The following SNX18 variants were observed in gnomAD, a reference collection of about 807,000 sequenced individuals.
The protein encoded by SNX18 is sorting nexin-18.
In SNX18, 35 loss-of-function variants were observed where a neutral mutation model predicts 48.7. The ratio of observed to expected loss-of-function variants is 0.72; its 90% CI spans 0.55 to 0.95. The LOEUF (loss-of-function observed/expected upper bound fraction) is 0.95. SNX18 is among the 40% of genes least tolerant of loss of function. The pLI, the probability that SNX18 is intolerant of heterozygous loss-of-function variation, is 0.00. For synonymous variants in SNX18, 492 were observed against 384.7 expected (o/e 1.28, Z -3.26); for missense variants, 824 against 871.0 (o/e 0.95, Z 0.68).
intron 1 of SNX18, among the ~76,000 whole-genome samples, chr5:54,521,995 C>A (rs912554468): frequency 2.0e-5 from 3 of 152,166 alleles, no homozygotes; most frequent in Non-Finnish European, 4.4e-5. Context: ...AACATAATCT[C>A]TAGGAACTTT....
intron 1 of SNX18, among the ~76,000 whole-genome samples, chr5:54,541,325 G>A (rs1762466987): frequency 6.6e-6 from 1 of 152,120 alleles, no homozygotes; most frequent in Non-Finnish European, 1.5e-5. Context: ...ACCGCGCCCG[G>A]CCCTCCTGGT....
the SNX18 span, among the ~76,000 whole-genome samples, chr5:54,572,618 A>T: frequency 6.6e-6 from 1 of 151,690 alleles, no homozygotes; most frequent in Non-Finnish European, 1.5e-5. Flanking sequence ...TTTATCTGAG[A>T]CACATATATA....
chr5:54,591,211 GT>G, the SNX18 span, among the ~76,000 whole-genome samples: 1 of 151,276 alleles, frequency 6.6e-6, no homozygotes, highest in Non-Finnish European at 1.5e-5. Context: ...ACACGCTTTT[GT>G]TCTGTCAGCC....
chr5:54,572,746 G>GTATATATA, the SNX18 span, among the ~76,000 whole-genome samples: 3 of 42,484 alleles, frequency 7.1e-5, no homozygotes, highest in African/African-American at 2.6e-4. Flanking sequence ...GTGTGTGTGT[G>GTATATATA]TGTGTGTGTA....
the SNX18 span, among the ~76,000 whole-genome samples, chr5:54,635,126 G>A: frequency 6.6e-6 from 1 of 151,642 alleles, no homozygotes; most frequent in South Asian, 2.1e-4. Context: ...CTTATTGGTA[G>A]ACATAAACAC....
At chr5:54,644,716 C>T in the SNX18 span, 58 of 152,302 alleles carry the variant, frequency 3.8e-4, no homozygotes, top group African/African-American at 1.3e-3. Context: ...CTACTGACTA[C>T]AATATAGGTG....
At chr5:54,632,024 T>C in the SNX18 span, among the ~76,000 whole-genome samples, 2 of 152,164 alleles carry the variant, frequency 1.3e-5, no homozygotes, top group African/African-American at 4.8e-5. Context: ...GAGGAGTTCA[T>C]CAGAGATTTC....
chr5:54,581,226 A>G, the SNX18 span, among the ~76,000 whole-genome samples: 4 of 152,308 alleles, frequency 2.6e-5, no homozygotes, highest in South Asian at 4.1e-4. Flanking sequence ...TAACATGAAC[A>G]GATCCTGAAT....
At chr5:54,548,893 C>A (rs1421623139), downstream of SNX18, among the ~76,000 whole-genome samples, 1 of 152,174 alleles carries the variant, frequency 6.6e-6, no homozygotes. Context: ...TGTAGATGCT[C>A]AAGTCATAGA....
the SNX18 span, among the ~76,000 whole-genome samples, chr5:54,575,340 G>A: frequency 6.8e-6 from 1 of 148,116 alleles, no homozygotes; most frequent in Non-Finnish European, 1.5e-5. Flanking sequence ...GAAGGCAGTT[G>A]AGAAACAACA....
At chr5:54,595,676 C>T in the SNX18 span, among the ~76,000 whole-genome samples, 4 of 152,170 alleles carry the variant, frequency 2.6e-5, no homozygotes, top group East Asian at 1.9e-4. Flanking sequence ...TAATAATAAC[C>T]ATTCCAATGG....
At chr5:54,538,548 G>A (rs1296832864) in intron 1 of SNX18, among the ~76,000 whole-genome samples, 1 of 152,228 alleles carries the variant, frequency 6.6e-6, no homozygotes, top group African/African-American at 2.4e-5. Flanking sequence ...TTGTTAAAAG[G>A]TGTACAGAAA....
chr5:54,535,470 G>A (rs544536933), intron 1 of SNX18, among the ~76,000 whole-genome samples: 1 of 152,294 alleles, frequency 6.6e-6, no homozygotes, highest in South Asian at 2.1e-4. Flanking sequence ...AAAAATATTG[G>A]TTTAATTTTC....
the SNX18 span, chr5:54,645,268 C>T: frequency 6.6e-6 from 1 of 152,194 alleles, no homozygotes; most frequent in Non-Finnish European, 1.5e-5. Flanking sequence ...ATGTTCCAGC[C>T]ACTATACCTG....
chr5:54,610,437 G>C, the SNX18 span, among the ~76,000 whole-genome samples: 1 of 152,190 alleles, frequency 6.6e-6, no homozygotes, highest in African/African-American at 2.4e-5. Flanking sequence ...GGTGAGACTT[G>C]AATCCACCCC....
In SNX18 at chr5:54,518,211, G is replaced by C. The variant is rs970271877; in HGVS notation, c.259G>C (p.Glu87Gln). The C allele has an allele frequency of 7.1e-7, 1 of 1,400,484 alleles. No individual in the cohort carries two copies. The highest frequency in any genetic ancestry group is 9.2e-7 in the Non-Finnish European group (1 of 1,086,872). 86.8% of individuals were successfully genotyped at this position (1,400,484 alleles called of 1,614,324 possible). ...RYANVPPGGF[E>Q]PLPVAPPASF... Reference sequence around the variant, plus strand: ...CGCCAATGTGCCCCCCGGGGGCTTCGAGCCCCTGCCTGTCGCGCCCCCCGC... The same window carrying C: ...CGCCAATGTGCCCCCCGGGGGCTTCCAGCCCCTGCCTGTCGCGCCCCCCGC... The change falls in exon 1 of 2, where the codon GAG (glutamate) becomes CAG (glutamine). Residue 87 changes from glutamate to glutamine, a missense_variant. Around this residue, in one of 3 missense-constraint regions of SNX18, gnomAD observed 377 missense variants for 350.6 expected, o/e 1.08. Coordinates refer to ENST00000381410, the MANE Select transcript of SNX18 (RefSeq NM_001102575.2).
chr5:54,635,979 T>C, the SNX18 span, among the ~76,000 whole-genome samples: 1 of 152,162 alleles, frequency 6.6e-6, no homozygotes, highest in African/African-American at 2.4e-5. Flanking sequence ...TTTGATGTGT[T>C]GGCTCTGCCT....
chr5:54,632,891 C>T, the SNX18 span, among the ~76,000 whole-genome samples: 3 of 152,046 alleles, frequency 2.0e-5, no homozygotes, highest in East Asian at 1.9e-4. Flanking sequence ...TCTCCTGCCT[C>T]GGCCTCCTGA....
the SNX18 span, among the ~76,000 whole-genome samples, chr5:54,589,249 T>C: frequency 1.2e-4 from 18 of 152,244 alleles, no homozygotes; most frequent in Admixed American, 2.6e-4. Context: ...TTTGTTCCAT[T>C]TCACTAGCTG....
Sources: allele counts gnomAD v4.1 joint callset (sites outside exome capture counted in the v4.1 genomes callset), GRCh38; gene constraint gnomAD v4.1.1; regional missense constraint gnomAD v4.1.1; transcripts MANE v1.5; gene names NCBI Gene and HGNC (gene_info 2026-07-23, HGNC 2026-07-21).